The following SASH1 variants were observed in gnomAD, a reference collection of about 807,000 sequenced individuals.
SASH1 encodes SAM and SH3 domain-containing protein 1.
Under a neutral mutation model 125.2 loss-of-function variants are expected in SASH1, and 44 were observed. The observed-to-expected ratio is 0.35, with a 90% CI of 0.28 to 0.45. The LOEUF (loss-of-function observed/expected upper bound fraction) is 0.45, where lower values mean the gene tolerates loss of function less well. Among genes scored for constraint, SASH1 ranks in the 20% least tolerant of loss-of-function variants. The pLI, the probability that SASH1 is intolerant of heterozygous loss-of-function variation, is 1.00. For synonymous variants in SASH1, 639 were observed against 649.1 expected (o/e 0.98, Z 0.24); for missense variants, 1,426 against 1,614.5 (o/e 0.88, Z 2.00).
chr6:148,322,763 T>C (rs1157751332), intron 1 of SASH1, among the ~76,000 whole-genome samples: 2 of 152,328 alleles, frequency 1.3e-5, no homozygotes, highest in South Asian at 2.1e-4. Flanking sequence ...TGTGTCATTT[T>C]TCTTCATTCT....
chr6:148,548,378 C>T lies in SASH1; in HGVS notation c.3564C>T (p.Ser1188=). Residue 1188 remains serine (S), a synonymous_variant, in exon 20 of 20, where the codon TCC becomes TCT. Coordinates refer to ENST00000367467, the MANE Select transcript of SASH1 (RefSeq NM_015278.5). Reference sequence around the variant, plus strand: ...CGTCTGTGTCAGATTGGCTCATTTCCATCGGTCTGCCCATGTACGCCGGCA... The same window carrying T: ...CGTCTGTGTCAGATTGGCTCATTTCTATCGGTCTGCCCATGTACGCCGGCA... The part of the protein sequence containing the change: ...CISSVSDWLI[S]IGLPMYAGTL... The T allele has an allele frequency of 6.2e-7, 1 of 1,614,218 alleles. No homozygotes were observed. Among genetic ancestry groups the T allele is most frequent in the Non-Finnish European group, 8.5e-7 (1 of 1,180,032 alleles).
the SASH1 span, among the ~76,000 whole-genome samples, chr6:148,250,862 T>C: frequency 6.6e-6 from 1 of 152,148 alleles, no homozygotes; most frequent in African/African-American, 2.4e-5. Flanking sequence ...GCTAAAATTT[T>C]AAAAAGAAAG....
chr6:148,400,806 G>A (rs958715010), intron 2 of SASH1, among the ~76,000 whole-genome samples: 3 of 152,126 alleles, frequency 2.0e-5, no homozygotes, highest in Non-Finnish European at 4.4e-5. Context: ...TGTATCAGTG[G>A]GAGGTTTCTC....
chr6:148,470,985 A>T (rs1441978655), intron 5 of SASH1, among the ~76,000 whole-genome samples: 1 of 152,192 alleles, frequency 6.6e-6, no homozygotes, highest in African/African-American at 2.4e-5. Context: ...CCAAGGGTAG[A>T]TCAACAACAG....
At chr6:148,500,257 G>A (rs547684862) in intron 8 of SASH1, among the ~76,000 whole-genome samples, 43 of 151,498 alleles carry the variant, frequency 2.8e-4, no homozygotes, top group African/African-American at 9.4e-4. Flanking sequence ...ACAGTTGAGG[G>A]CTTCATTTTG....
intron 1 of SASH1, among the ~76,000 whole-genome samples, chr6:148,304,995 CA>C (rs1420723168): frequency 4.6e-5 from 7 of 152,228 alleles, no homozygotes; most frequent in Non-Finnish European, 5.9e-5. Context: ...TGTGCCACTG[CA>C]CTCTAGCCTG....
chr6:148,426,676 C>T (rs149046589), intron 2 of SASH1, among the ~76,000 whole-genome samples: 80 of 152,178 alleles, frequency 5.3e-4, no homozygotes, highest in African/African-American at 1.8e-3. Context: ...GTTTTATCCT[C>T]GTTGACTTAT....
At position 148,393,698 on chromosome 6, in the gene SASH1, C is replaced by T. The variant is rs560981462; in HGVS notation, c.285+3436C>T. 1.1e-5 allele frequency: 11 copies of T among 985,182 alleles called. No homozygotes were observed. In the South Asian group the frequency reaches 1.9e-4, roughly 17 times the overall value. 61.0% of individuals were successfully genotyped at this position (985,182 alleles called of 1,614,324 possible). ...AATTTGGCGTGCTCTGTTCCAAAAC[C>T]GCAGAAGACAGTCTGGGGGGAGAAA... On this transcript the variant is annotated intron_variant, in intron 2 of 19. Transcript: ENST00000367467.
rs1477318925 is a variant in SASH1 at position 148,545,084 on chromosome 6, ATG to A, written c.3348+269_3348+270del. 7.2e-5 allele frequency among the ~76,000 whole-genome samples: 11 copies of A among 152,366 alleles called. No individual in the cohort carries two copies. The East Asian group carries it at 1.9e-3, about 27-fold the overall frequency. On this transcript the variant is annotated intron_variant, in intron 18 of 19. Coordinates refer to ENST00000367467, the MANE Select transcript of SASH1 (RefSeq NM_015278.5). ...GGATTACTAGGAGCAAATAAAATAA[ATG>A]TGGACAAAAGAACCCTATTCAGATG...
the SASH1 span, among the ~76,000 whole-genome samples, chr6:148,249,667 G>A: frequency 6.6e-6 from 1 of 152,262 alleles, no homozygotes; most frequent in African/African-American, 2.4e-5. Flanking sequence ...GAGAAACAGA[G>A]GTAATGATGG....
intron 17 of SASH1, among the ~76,000 whole-genome samples, chr6:148,542,027 C>G (rs1161357967): frequency 6.6e-6 from 1 of 152,158 alleles, no homozygotes; most frequent in East Asian, 1.9e-4. Context: ...ATAACCTTTT[C>G]ATATCCAAAA....
the SASH1 span, among the ~76,000 whole-genome samples, chr6:148,198,007 G>C: frequency 6.6e-6 from 1 of 152,164 alleles, no homozygotes; most frequent in South Asian, 2.1e-4. Context: ...CCAACACCAC[G>C]CCTGGCTCAT....
chr6:148,269,898 G>T (rs1226181597), upstream of SASH1, among the ~76,000 whole-genome samples: 4 of 152,200 alleles, frequency 2.6e-5, no homozygotes, highest in Non-Finnish European at 5.9e-5. Context: ...CTTTGGAACA[G>T]GACTTTACTG....
intron 1 of SASH1, 99 bp from the exon 2 acceptor site, chr6:148,390,035 A>C: frequency 7.3e-7 from 1 of 1,376,042 alleles, no homozygotes; most frequent in South Asian, 1.4e-5. Context: ...TTAAATACCA[A>C]CCTTTATTAC....
At chr6:148,363,990 G>A (rs1782351423) in intron 1 of SASH1, among the ~76,000 whole-genome samples, 2 of 152,090 alleles carry the variant, frequency 1.3e-5, no homozygotes, top group Admixed American at 6.6e-5. Flanking sequence ...TAATATTAAT[G>A]CCCACCATTC....
chr6:148,393,940 T>C, intron 2 of SASH1, among the ~76,000 whole-genome samples: 1 of 133,686 alleles, frequency 7.5e-6, no homozygotes, highest in Non-Finnish European at 1.6e-5. Flanking sequence ...TTGCCCAGGG[T>C]GGAGTGCAAT....
chr6:148,242,266 G>A, the SASH1 span, among the ~76,000 whole-genome samples: 13,329 of 152,202 alleles, frequency 0.088, 666 homozygotes, highest in East Asian at 0.13. Flanking sequence ...AAACAGAAAG[G>A]GTGGGAAAAT....
intron 2 of SASH1, among the ~76,000 whole-genome samples, chr6:148,428,626 T>C (rs1357087586): frequency 2.7e-4 from 1 of 3,672 alleles, no homozygotes; most frequent in Non-Finnish European, 7.4e-4. Context: ...TGAAACTTTA[T>C]CTCAAAAAAA....
intron 5 of SASH1, among the ~76,000 whole-genome samples, chr6:148,469,936 G>T (rs2115117447): frequency 6.6e-6 from 1 of 150,828 alleles, no homozygotes; most frequent in African/African-American, 2.4e-5. Flanking sequence ...TGAGGCAGGA[G>T]AATCACCTGA....
Sources: gnomAD v4.1 joint callset for allele counts (sites outside exome capture counted in the v4.1 genomes callset) on GRCh38, gnomAD v4.1.1 for gene constraint, MANE v1.5 for transcripts, NCBI Gene and HGNC (gene_info 2026-07-23, HGNC 2026-07-21) for gene names.